HYDIN: variants seen among roughly 807,000 people sequenced by gnomAD.
HYDIN encodes axonemal central pair apparatus protein HYDIN.
A neutral mutation model predicts 403.9 loss-of-function variants in HYDIN; 132 were observed. That is an observed-to-expected ratio of 0.33 (90% CI 0.28 to 0.38). The LOEUF (loss-of-function observed/expected upper bound fraction) is 0.38, where lower values mean the gene tolerates loss of function less well. HYDIN is among the 10% of genes least tolerant of loss of function. HYDIN has a pLI of 1.00. For synonymous variants in HYDIN, 1,202 were observed against 1,891.7 expected (o/e 0.64, Z 9.46); for missense variants, 2,827 against 5,009.5 (o/e 0.56, Z 13.15).
rs1276220063 is a variant in HYDIN, at chr16:70,855,500, C to G, written c.12296-225G>C. On this transcript the variant is annotated intron_variant, in intron 72 of 85. Transcript: ENST00000393567. ...GCTTCTGCTGAGTGGCTCCTCTGCCCTGGCCACAGCTCTCCTGGGATTCTG... is the reference window on the plus strand; with the variant it reads ...GCTTCTGCTGAGTGGCTCCTCTGCCGTGGCCACAGCTCTCCTGGGATTCTG... Among the ~76,000 whole-genome samples, 5 of 152,292 alleles carry G rather than the reference C, an allele frequency of 3.3e-5. No individual in the cohort carries two copies. In the East Asian group the frequency reaches 9.6e-4, roughly 29 times the overall value.
chr16:71,065,015 G>A (rs1366325054), intron 15 of HYDIN, among the ~76,000 whole-genome samples, 175 bp from the exon 16 acceptor site: 1 of 152,186 alleles, frequency 6.6e-6, no homozygotes, highest in Non-Finnish European at 1.5e-5. Context: ...TTGGCCCCCA[G>A]TCACCACTTT....
At chr16:70,926,981 C>T (rs943150309) in intron 45 of HYDIN, among the ~76,000 whole-genome samples, 5 of 152,154 alleles carry the variant, frequency 3.3e-5, no homozygotes, top group African/African-American at 4.8e-5. Context: ...AAAAGCACAA[C>T]GGACATATAT....
intron 41 of HYDIN, among the ~76,000 whole-genome samples, chr16:70,946,754 T>C (rs1258386833): frequency 6.6e-6 from 1 of 152,074 alleles, no homozygotes; most frequent in Non-Finnish European, 1.5e-5. Flanking sequence ...TCTTGGAGTT[T>C]ATGGGTAGCG....
chr16:71,127,086 CATAA>C (rs889618529), intron 9 of HYDIN, among the ~76,000 whole-genome samples: 1 of 152,108 alleles, frequency 6.6e-6, no homozygotes, highest in Non-Finnish European at 1.5e-5. Context: ...GGAGATTTAA[CATAA>C]ATAAAGAATT....
intron 50 of HYDIN, among the ~76,000 whole-genome samples, 156 bp downstream of exon 50, chr16:70,907,216 T>C (rs777745600): frequency 4.6e-5 from 7 of 151,484 alleles, no homozygotes; most frequent in Admixed American, 1.3e-4. Context: ...CAGCAGGGAG[T>C]TGGGACACAA....
At position 70,821,594 on chromosome 16, in the gene HYDIN, T is replaced by C. The variant is rs183905486; in HGVS notation, c.14428-3022A>G. The stretch of plus-strand genomic sequence containing the variant: ...TCCCTCTCGCTGTAATATGTATTTT[T>C]CCCCCCTGGCTGCTTTAAGCTTTTC... On this transcript the variant is annotated intron_variant, in intron 83 of 85. Transcript: ENST00000393567. 5.2e-3 allele frequency among the ~76,000 whole-genome samples: 786 copies of C among 151,458 alleles called. 4 individuals are homozygous for C. Among genetic ancestry groups the C allele is most frequent in the Middle Eastern group, 0.021 (6 of 292 alleles).
At chr16:71,103,025 T>C (rs1568157574) in intron 10 of HYDIN, among the ~76,000 whole-genome samples, 1 of 149,244 alleles carries the variant, frequency 6.7e-6, no homozygotes. Flanking sequence ...ACAGGAATCT[T>C]TGATGAGTTG....
At chr16:71,060,173 C>T (rs539397297) in intron 18 of HYDIN, among the ~76,000 whole-genome samples, 83 of 151,146 alleles carry the variant, frequency 5.5e-4, no homozygotes, top group African/African-American at 1.9e-3. Flanking sequence ...TGTTGACCTC[C>T]GAAGCATCTT....
intron 56 of HYDIN, 142 bp downstream of exon 56, chr16:70,892,219 C>G (rs2041509476): frequency 1.3e-5 from 10 of 748,918 alleles, no homozygotes; most frequent in Non-Finnish European, 2.0e-5. Context: ...GGACAGAACC[C>G]CGGTGTATCC....
intron 41 of HYDIN, among the ~76,000 whole-genome samples, chr16:70,945,827 G>A (rs1017279637): frequency 6.6e-6 from 1 of 152,150 alleles, no homozygotes; most frequent in African/African-American, 2.4e-5. Flanking sequence ...CAAGGACCTT[G>A]AGAAGAAAGA....
chr16:71,201,139 C>A (rs1324443554), intron 1 of HYDIN, among the ~76,000 whole-genome samples: 1 of 152,166 alleles, frequency 6.6e-6, no homozygotes, highest in Non-Finnish European at 1.5e-5. Flanking sequence ...CACAGCAATG[C>A]ACTTTTCACA....
intron 1 of HYDIN, among the ~76,000 whole-genome samples, chr16:71,192,562 C>T (rs568788618): frequency 6.6e-6 from 1 of 152,280 alleles, no homozygotes; most frequent in Admixed American, 6.5e-5. Flanking sequence ...ACATGTAACA[C>T]CAGGAATGCC....
At chr16:71,205,921 A>G (rs780563222) in intron 1 of HYDIN, among the ~76,000 whole-genome samples, 1 of 152,210 alleles carries the variant, frequency 6.6e-6, no homozygotes, top group Non-Finnish European at 1.5e-5. Flanking sequence ...TGGAGAGCAG[A>G]GCATGTGACC....
intron 4 of HYDIN, among the ~76,000 whole-genome samples, chr16:71,176,549 C>G (rs186703234): frequency 2.6e-4 from 39 of 152,220 alleles, no homozygotes; most frequent in Admixed American, 1.6e-3. Context: ...TACAGTAGTA[C>G]AGCTCCACCA....
At chr16:71,214,207 AATG>A (rs2088748733) in intron 1 of HYDIN, among the ~76,000 whole-genome samples, 2 of 152,174 alleles carry the variant, frequency 1.3e-5, no homozygotes, top group South Asian at 4.1e-4. Context: ...CCACAGATGA[AATG>A]ATAATACATT....
At chr16:71,179,082 C>T (rs1047595314) in intron 3 of HYDIN, 35 bp from the exon 4 acceptor site, 1 of 1,562,734 alleles carries the variant, frequency 6.4e-7, no homozygotes, top group Non-Finnish European at 8.7e-7. Flanking sequence ...GTTATAGTCA[C>T]ACATTGACAA....
Position 70,834,515 on chromosome 16 carries a change from G to A in HYDIN, c.13402-351C>T, listed in dbSNP as rs532464248. Among the ~76,000 whole-genome samples, 246 of 151,994 alleles carry A rather than the reference G, an allele frequency of 1.6e-3. 1 individual carries two copies. Among genetic ancestry groups the A allele is most frequent in the Non-Finnish European group, 2.9e-3 (200 of 68,008 alleles). On this transcript the variant is annotated intron_variant, in intron 78 of 85. Transcript: ENST00000393567. ...CAGTTAGAGCTCTGGCACTTCTCAAGGAGTCTTCCCTGCCTCAGTTTCCCT... is the reference window on the plus strand; with the variant it reads ...CAGTTAGAGCTCTGGCACTTCTCAAAGAGTCTTCCCTGCCTCAGTTTCCCT...
At position 70,829,530 on chromosome 16, in the gene HYDIN, A is replaced by G. The variant is rs1306627317; in HGVS notation, c.14112+88T>C. On this transcript the variant is annotated intron_variant, in intron 81 of 85. Coordinates refer to ENST00000393567, the MANE Select transcript of HYDIN (RefSeq NM_001270974.2). ...ATTACAGGCATGAGCCACCACGCCC[A>G]GCCCCAAAGTGTCTTTTAACCTCAT... The G allele has an allele frequency of 4.0e-4, 385 of 952,742 alleles. 1 individual carries two copies. Among genetic ancestry groups the G allele is most frequent in the Admixed American group, 3.1e-4 (16 of 50,796 alleles). The allele number at this position is 952,742 out of a possible 1,614,324, so 59.0% of individuals were successfully genotyped here.
At chr16:71,176,132 C>CTAATACAGG (rs572935088) in intron 4 of HYDIN, among the ~76,000 whole-genome samples, 16,248 of 151,598 alleles carry the variant, frequency 0.11, 2,999 homozygotes, top group African/African-American at 0.37. Flanking sequence ...AGTGAAACCT[C>CTAATACAGG]ATCTCTACTA....
Sources: allele counts gnomAD v4.1 joint callset (sites outside exome capture counted in the v4.1 genomes callset), GRCh38; gene constraint gnomAD v4.1.1; transcripts MANE v1.5; gene names NCBI Gene and HGNC (gene_info 2026-07-23, HGNC 2026-07-21).